The following RSPH9 variants were observed in gnomAD, a reference collection of about 807,000 sequenced individuals.
The protein encoded by RSPH9 is radial spoke head component 9.
RSPH9 carries 27 observed loss-of-function variants against 27.0 expected under a neutral mutation model. The ratio of observed to expected loss-of-function variants is 1.00; its 90% CI spans 0.74 to 1.38. RSPH9 has a LOEUF of 1.38. Among genes scored for constraint, RSPH9 ranks in the 40% most tolerant of loss-of-function variants. The pLI is 0.00. For synonymous variants in RSPH9, 145 were observed against 147.7 expected (o/e 0.98, Z 0.13); for missense variants, 347 against 357.4 (o/e 0.97, Z 0.24).
intron 4 of RSPH9, among the ~76,000 whole-genome samples, chr6:43,663,263 G>A (rs1201991576): frequency 6.6e-6 from 1 of 151,960 alleles, no homozygotes; most frequent in Non-Finnish European, 1.5e-5. Context: ...GTGTTGCCCA[G>A]GCTGGAGTGC....
rs80351252 is a variant in RSPH9, at chr6:43,661,759, G to A, written c.670+5036G>A. ...TAAAAATCTATTGTTTAGTGTAGCCGCCTTAATCAGTGATCTTAGCCAGGT... is the reference window on the plus strand; with the variant it reads ...TAAAAATCTATTGTTTAGTGTAGCCACCTTAATCAGTGATCTTAGCCAGGT... On this transcript the variant is annotated intron_variant, in intron 4 of 4. Transcript: ENST00000372163. Among the ~76,000 whole-genome samples, 22 of 151,594 alleles carry A rather than the reference G, an allele frequency of 1.5e-4. No homozygotes were observed. In the South Asian group the frequency reaches 2.1e-3, roughly 14 times the overall value.
intron 4 of RSPH9, among the ~76,000 whole-genome samples, chr6:43,662,557 C>T (rs1046602078): frequency 2.0e-5 from 3 of 151,798 alleles, no homozygotes; most frequent in Admixed American, 6.6e-5. Flanking sequence ...TTAGTAGAGA[C>T]GGGGTTTCAC....
chr6:43,645,386 G>A, intron 1 of RSPH9, 61 bp downstream of exon 1: 1 of 1,081,156 alleles, frequency 9.2e-7, no homozygotes, highest in Non-Finnish European at 1.4e-6. Context: ...GGGCGGGGTG[G>A]GCGGGTCGCA....
intron 2 of RSPH9, among the ~76,000 whole-genome samples, chr6:43,653,446 C>CAG (rs1375268480): frequency 1.3e-5 from 1 of 75,468 alleles, no homozygotes; most frequent in African/African-American, 4.4e-5. Context: ...GACTCCGTCT[C>CAG]AAAAAAAAAA....
At chr6:43,670,289 T>C (rs1437050478) in intron 4 of RSPH9, among the ~76,000 whole-genome samples, 1 of 152,130 alleles carries the variant, frequency 6.6e-6, no homozygotes, top group Non-Finnish European at 1.5e-5. Flanking sequence ...CCTCTGAAAG[T>C]GGTTTTAATG....
At chr6:43,662,372 T>TTC (rs1167747019) in intron 4 of RSPH9, among the ~76,000 whole-genome samples, 2 of 145,324 alleles carry the variant, frequency 1.4e-5, no homozygotes, top group East Asian at 4.5e-4. Flanking sequence ...TTCACTTTCT[T>TTC]TTTTTTTTTT....
intron 4 of RSPH9, among the ~76,000 whole-genome samples, chr6:43,664,439 T>C (rs1772937752): frequency 6.6e-6 from 1 of 152,082 alleles, no homozygotes; most frequent in African/African-American, 2.4e-5. Context: ...TAGAGATGAG[T>C]TGGGGCAGGC....
At position 43,671,404 on chromosome 6, in the gene RSPH9, G is replaced by C. The variant is rs1332455371; in HGVS notation, c.*455G>C. Reference sequence around the variant, plus strand: ...CAATGCTCAGCACCCAGCTGGCAATGTGCCCAGGACCCCCTGCACTTCCCA... The same window carrying C: ...CAATGCTCAGCACCCAGCTGGCAATCTGCCCAGGACCCCCTGCACTTCCCA... On this transcript the variant is annotated 3_prime_UTR_variant, in exon 5 of 5. Transcript: ENST00000372163. The C allele has an allele frequency of 9.9e-6, 4 of 403,392 alleles. No homozygotes were observed. The Admixed American group carries it at 1.6e-4, about 16-fold the overall frequency. 25.0% of individuals were successfully genotyped at this position (403,392 alleles called of 1,614,324 possible).
chr6:43,670,886 G>C lies in RSPH9; in HGVS notation c.768G>C (p.Lys256Asn). The C allele has an allele frequency of 2.5e-6, 4 of 1,614,240 alleles. No homozygotes were observed. Among genetic ancestry groups the C allele is most frequent in the Non-Finnish European group, 2.5e-6 (3 of 1,180,042 alleles). Reference protein sequence around the residue: ...GLTFYHAPRTKNYGYVYVGTG... With the variant: ...GLTFYHAPRTNNYGYVYVGTG... ...CCTTCTACCATGCTCCCCGCACCAA[G>C]AACTATGGCTACGTCTACGTGGGCA... Residue 256 changes from lysine to asparagine, a missense_variant, in exon 5 of 5, where the codon AAG becomes AAC. Coordinates refer to ENST00000372163, the MANE Select transcript of RSPH9 (RefSeq NM_152732.5).
rs937089073 is a variant in RSPH9, at chr6:43,645,216, C to T, written c.118C>T (p.Arg40Cys). The change falls in exon 1 of 5, where the codon CGC becomes TGC. Residue 40 changes from arginine (R) to cysteine (C), a missense_variant. Arg to Cys is a radical substitution (Grantham distance 180, BLOSUM62 -3). Transcript: ENST00000372163. ...TSLMLVKRDY[R>C]YDRVLFWGRI... is the part of the protein sequence containing the mutation. ...TCTTATGCTGGTTAAGCGCGACTAC[C>T]GCTATGATCGGGTTCTCTTCTGGGG... is the stretch of plus-strand genomic sequence containing the variant. The T allele has an allele frequency of 3.1e-6, 5 of 1,613,942 alleles. No individual in the cohort carries two copies. The highest frequency in any genetic ancestry group is 4.2e-6 in the Non-Finnish European group (5 of 1,180,028).
intron 4 of RSPH9, among the ~76,000 whole-genome samples, chr6:43,661,517 C>T (rs755690084): frequency 1.6e-4 from 25 of 152,034 alleles, no homozygotes; most frequent in East Asian, 9.7e-4. Context: ...AAAAATTAGC[C>T]GGGCATGGTG....
Position 43,671,622 on chromosome 6 carries a change from G to T in RSPH9, c.*673G>T. 3 of 977,128 alleles carry T rather than the reference G, an allele frequency of 3.1e-6. No individual in the cohort carries two copies. The highest frequency in any genetic ancestry group is 3.1e-6 in the Non-Finnish European group (2 of 643,666). The allele number at this position is 977,128 out of a possible 1,614,324, so 60.5% of individuals were successfully genotyped here. Reference sequence around the variant, plus strand: ...CAAGGGTACTGAAGTTAGTCCCACTGTCCCCTGTCCATGCATGTTGGAGGG... The same window carrying T: ...CAAGGGTACTGAAGTTAGTCCCACTTTCCCCTGTCCATGCATGTTGGAGGG... On this transcript the variant is annotated 3_prime_UTR_variant, in exon 5 of 5. Transcript: ENST00000372163.
chr6:43,650,905 TAA>T (rs57197298), intron 2 of RSPH9, among the ~76,000 whole-genome samples: 12 of 99,854 alleles, frequency 1.2e-4, no homozygotes, highest in Admixed American at 2.3e-4. Flanking sequence ...ACCCTGTCTA[TAA>T]AAAAAAAAAA....
intron 2 of RSPH9, among the ~76,000 whole-genome samples, chr6:43,653,903 G>T (rs1358209184): frequency 6.6e-6 from 1 of 152,110 alleles, no homozygotes; most frequent in Non-Finnish European, 1.5e-5. Context: ...TGTTGGTCAG[G>T]TTGGTCTCAA....
intron 2 of RSPH9, among the ~76,000 whole-genome samples, chr6:43,652,687 A>G (rs1451710662): frequency 6.7e-6 from 1 of 150,076 alleles, no homozygotes; most frequent in Non-Finnish European, 1.5e-5. Flanking sequence ...CGGCCTCCCA[A>G]AGTGCTGGGA....
Position 43,670,942 on chromosome 6 carries a change from T to A in RSPH9, c.824T>A (p.Met275Lys). The A allele has an allele frequency of 3.1e-6, 5 of 1,614,184 alleles. No individual in the cohort carries two copies. The highest frequency in any genetic ancestry group is 3.4e-6 in the Non-Finnish European group (4 of 1,180,040). The change falls in exon 5 of 5, where the codon ATG becomes AAG. Residue 275 changes from methionine to lysine, a missense_variant. Transcript: ENST00000372163. ...TGEKNMDLPF[M>K]L ...GAGAAGAACATGGACTTGCCCTTCA[T>A]GCTATAGAATGGGAGCCAGCCTGGA...
chr6:43,659,424 C>T (rs539564895), intron 4 of RSPH9, among the ~76,000 whole-genome samples: 2 of 151,932 alleles, frequency 1.3e-5, no homozygotes, highest in African/African-American at 2.4e-5. Flanking sequence ...GCTCTGTCGC[C>T]CAGGCTGGAG....
rs1426417654 is a variant in RSPH9 at position 43,656,653 on chromosome 6, C to T, written c.600C>T (p.Thr200=). Residue 200 remains threonine (T), a synonymous_variant, in exon 4 of 5, where the codon ACC becomes ACT. Transcript: ENST00000372163. ...AGCCTGTTGAGCTAAAGAATAAGAC[C>T]TTGCTTGAGAAGGCTGACCTGGACC... ...FREPVELKNK[T]LLEKADLDPS... 1.5e-5 allele frequency: 24 copies of T among 1,614,038 alleles called. No homozygotes were observed. Among genetic ancestry groups the T allele is most frequent in the Admixed American group, 1.7e-5 (1 of 59,992 alleles).
chr6:43,672,332 C>T lies in RSPH9; in HGVS notation c.*1383C>T, dbSNP rs540036314. On this transcript the variant is annotated 3_prime_UTR_variant, in exon 5 of 5. Coordinates refer to ENST00000372163, the MANE Select transcript of RSPH9 (RefSeq NM_152732.5). ...TGGCTCACTCAGCTACCCCAACCTT[C>T]AGGGAACTCCCCAGGGTACTATAAC... 22 of 465,126 alleles carry T rather than the reference C, an allele frequency of 4.7e-5. No homozygotes were observed. The highest frequency in any genetic ancestry group is 9.9e-5 in the Non-Finnish European group (22 of 222,124). 28.8% of individuals were successfully genotyped at this position (465,126 alleles called of 1,614,324 possible).
Sources: allele counts gnomAD v4.1 joint callset (sites outside exome capture counted in the v4.1 genomes callset), GRCh38; gene constraint gnomAD v4.1.1; transcripts MANE v1.5; gene names NCBI Gene and HGNC (gene_info 2026-07-23, HGNC 2026-07-21).